Variants in TRIM67 observed in about 807,000 individuals in gnomAD.
The protein encoded by TRIM67 is tripartite motif containing 67.
TRIM67 carries 39 observed loss-of-function variants against 71.0 expected under a neutral mutation model. The ratio of observed to expected loss-of-function variants is 0.55; its 90% CI spans 0.43 to 0.72. The LOEUF (loss-of-function observed/expected upper bound fraction) is 0.72, where lower values mean the gene tolerates loss of function less well. Among genes scored for constraint, TRIM67 ranks in the 30% least tolerant of loss-of-function variants. The probability of loss-of-function intolerance (pLI) is 0.00; values close to 1 mark genes in which losing one functional copy is unlikely to be tolerated. For synonymous variants in TRIM67, 481 were observed against 473.9 expected, an observed-to-expected ratio of 1.01 and a Z score of -0.19; for missense variants, 973 against 1,079.2, an observed-to-expected ratio of 0.90 and a Z score of 1.38.
intron 8 of TRIM67, among the ~76,000 whole-genome samples, chr1:231,211,031 A>AATAT (rs1553328726): frequency 1.5e-4 from 19 of 127,232 alleles, no homozygotes; most frequent in African/African-American, 3.1e-4. Context: ...AAAAAAAAAA[A>AATAT]ATATATATAT....
chr1:231,167,206 C>T (rs1019179660), intron 1 of TRIM67, among the ~76,000 whole-genome samples: 16 of 151,846 alleles, frequency 1.1e-4, no homozygotes, highest in African/African-American at 3.9e-4. Flanking sequence ...AAAAGAAAAT[C>T]TCACTGATAC....
In TRIM67 at chr1:231,216,893, T is replaced by A. The variant is rs2102769104; in HGVS notation, c.*1453T>A. ...TTCCCAGTCACCTGCCACCTCCAGCTCCACCTGGTAGTAACATTTCTCTCT... is the reference window on the plus strand; with the variant it reads ...TTCCCAGTCACCTGCCACCTCCAGCACCACCTGGTAGTAACATTTCTCTCT... On this transcript the variant is annotated 3_prime_UTR_variant, in exon 10 of 10. Transcript: ENST00000366653. 1 of 985,566 alleles carries A rather than the reference T, an allele frequency of 1.0e-6. No individual in the cohort carries two copies. Among genetic ancestry groups the A allele is most frequent in the South Asian group, 4.7e-5 (1 of 21,290 alleles). The allele number at this position is 985,566 out of a possible 1,614,324, so 61.1% of individuals were successfully genotyped here.
At position 231,163,074 on chromosome 1, in the gene TRIM67, G is replaced by T; in HGVS notation, c.105G>T (p.Ala35=). The stretch of plus-strand genomic sequence containing the variant: ...GCCTGCCTTGCGCTCGCACCATCGC[G>T]GTGCAGACCCCGGACGGTGAGCAGC... ...NVCLPCARTI[A]VQTPDGEQHL... is the part of the protein sequence containing the mutation. Residue 35 remains alanine (A), a synonymous_variant, in exon 1 of 10, where the codon GCG becomes GCT. Coordinates refer to ENST00000366653, the MANE Select transcript of TRIM67 (RefSeq NM_001004342.5). The T allele has an allele frequency of 6.3e-7, 1 of 1,598,992 alleles. No individual in the cohort carries two copies. Among genetic ancestry groups the T allele is most frequent in the East Asian group, 2.3e-5 (1 of 43,862 alleles).
At chr1:231,175,002 T>C (rs760625248) in intron 1 of TRIM67, among the ~76,000 whole-genome samples, 1 of 152,184 alleles carries the variant, frequency 6.6e-6, no homozygotes, top group Non-Finnish European at 1.5e-5. Flanking sequence ...TGCTTGGAAA[T>C]GTTTGGATCA....
At position 231,218,003 on chromosome 1, in the gene TRIM67, C is replaced by A; in HGVS notation, c.*2563C>A. 8.3e-7 allele frequency: 1 copy of A among 1,203,140 alleles called. No homozygotes were observed. The highest frequency in any genetic ancestry group is 1.1e-6 in the Non-Finnish European group (1 of 947,832). The allele number at this position is 1,203,140 out of a possible 1,614,324, so 74.5% of individuals were successfully genotyped here. On this transcript the variant is annotated 3_prime_UTR_variant, in exon 10 of 10. Coordinates refer to ENST00000366653, the MANE Select transcript of TRIM67 (RefSeq NM_001004342.5). ...CTCCAGGAGCCCAGAAGCAATACGG[C>A]CGATGCCAGGGACAGCATCCAGCTC... is the stretch of plus-strand genomic sequence containing the variant.
At chr1:231,201,621 G>A in intron 5 of TRIM67, 104 bp downstream of exon 5, 2 of 1,379,170 alleles carry the variant, frequency 1.5e-6, no homozygotes, top group South Asian at 1.4e-5. Flanking sequence ...TGCACGGAGT[G>A]TGGCAGGGTG....
chr1:231,187,393 A>G, intron 1 of TRIM67: 1 of 915,374 alleles, frequency 1.1e-6, no homozygotes. Flanking sequence ...TCTACCTTTT[A>G]ATTTTTTTAA....
chr1:231,207,225 TGAG>T (rs1683728793), intron 7 of TRIM67, among the ~76,000 whole-genome samples: 1 of 152,178 alleles, frequency 6.6e-6, no homozygotes, highest in Non-Finnish European at 1.5e-5. Flanking sequence ...TCTCAAGGGC[TGAG>T]GAGTGAGTAG....
rs1684069104 is a variant in TRIM67 at position 231,218,475 on chromosome 1, C to T, written c.*3035C>T. The stretch of plus-strand genomic sequence containing the variant: ...GAGCAAGCTTGGTCAAAGTGTATGC[C>T]TTTTCCTTTTAAAATTAATCTCTTC... On this transcript the variant is annotated 3_prime_UTR_variant, in exon 10 of 10. Coordinates refer to ENST00000366653, the MANE Select transcript of TRIM67 (RefSeq NM_001004342.5). 1 of 985,316 alleles carries T rather than the reference C, an allele frequency of 1.0e-6. No homozygotes were observed. The highest frequency in any genetic ancestry group is 1.2e-6 in the Non-Finnish European group (1 of 829,948). The allele number at this position is 985,316 out of a possible 1,614,324, so 61.0% of individuals were successfully genotyped here.
In TRIM67 at chr1:231,163,449, G is replaced by C; in HGVS notation, c.480G>C (p.Pro160=). Residue 160 remains proline (P), a synonymous_variant, in exon 1 of 10, where the codon CCG becomes CCC. Transcript: ENST00000366653. ...LSSSSSSITC[P]QCHRSASLDH... ...CGTCTTCGAGCTCCATCACGTGCCC[G>C]CAGTGCCACCGCAGCGCATCCCTGG... is the stretch of plus-strand genomic sequence containing the variant. 1 of 1,539,840 alleles carries C rather than the reference G, an allele frequency of 6.5e-7. No homozygotes were observed. Among genetic ancestry groups the C allele is most frequent in the Non-Finnish European group, 8.7e-7 (1 of 1,148,650 alleles).
chr1:231,191,265 G>T (rs1448968220), intron 1 of TRIM67, among the ~76,000 whole-genome samples: 5 of 152,138 alleles, frequency 3.3e-5, no homozygotes, highest in African/African-American at 1.2e-4. Flanking sequence ...GGGTCTTGCT[G>T]TGTTGCTTAG....
At chr1:231,194,508 A>G (rs1196904253) in intron 1 of TRIM67, among the ~76,000 whole-genome samples, 1 of 152,222 alleles carries the variant, frequency 6.6e-6, no homozygotes, top group Non-Finnish European at 1.5e-5. Flanking sequence ...AGCCTGTCAC[A>G]GGTTGGAAGG....
At position 231,216,279 on chromosome 1, in the gene TRIM67, CCTT is replaced by C; in HGVS notation, c.*842_*844del. ...CCTCTTTCGCTCTCTTTCCCTCCCT[CCTT>C]CTCTCTCTCTCTCACACACACACAG... On this transcript the variant is annotated 3_prime_UTR_variant, in exon 10 of 10. Transcript: ENST00000366653. The C allele has an allele frequency of 1.0e-6, 1 of 984,124 alleles. No homozygotes were observed. 61.0% of individuals were successfully genotyped at this position (984,124 alleles called of 1,614,324 possible). A position where few individuals can be genotyped will look rare whatever the true frequency, so the allele number is the denominator to read the frequency against.
chr1:231,162,892 G>A lies in TRIM67; in HGVS notation c.-78G>A. 2 of 1,538,904 alleles carry A rather than the reference G, an allele frequency of 1.3e-6. No individual in the cohort carries two copies. Among genetic ancestry groups the A allele is most frequent in the African/African-American group, 2.7e-5 (2 of 73,078 alleles). On this transcript the variant is annotated 5_prime_UTR_variant, in exon 1 of 10. Coordinates refer to ENST00000366653, the MANE Select transcript of TRIM67 (RefSeq NM_001004342.5). ...CCGTCGTCTCACCGGGGCGCACCGC[G>A]CTGGTCCTCCTCCGCCAGTCTCCCG... is the stretch of plus-strand genomic sequence containing the variant.
In TRIM67 at chr1:231,218,410, G is replaced by A. The variant is rs1684068026; in HGVS notation, c.*2970G>A. On this transcript the variant is annotated 3_prime_UTR_variant, in exon 10 of 10. Coordinates refer to ENST00000366653, the MANE Select transcript of TRIM67 (RefSeq NM_001004342.5). The stretch of plus-strand genomic sequence containing the variant: ...GTCGAGTTCCATTGCATTGTAAATA[G>A]TGCCTCTGTAATGTGGTTCTGCAGT... The A allele has an allele frequency of 4.1e-6, 4 of 986,080 alleles. No individual in the cohort carries two copies. In the South Asian group the frequency reaches 1.4e-4, roughly 35 times the overall value. 61.1% of individuals were successfully genotyped at this position (986,080 alleles called of 1,614,324 possible).
chr1:231,171,625 T>C lies in TRIM67; in HGVS notation c.1044+7612T>C, dbSNP rs575824697. ...TTTAGCAAATTCCTTCCTCCAAGTT[T>C]GGAATTTCCTTTTGTGAAGTTCTTG... is the stretch of plus-strand genomic sequence containing the variant. On this transcript the variant is annotated intron_variant, in intron 1 of 9. Coordinates refer to ENST00000366653, the MANE Select transcript of TRIM67 (RefSeq NM_001004342.5). Among the ~76,000 whole-genome samples the C allele has an allele frequency of 2.0e-5, 3 of 152,340 alleles. No individual in the cohort carries two copies. The South Asian group carries it at 6.2e-4, about 32-fold the overall frequency.
chr1:231,196,197 C>T (rs1211326401), intron 1 of TRIM67, among the ~76,000 whole-genome samples: 2 of 152,084 alleles, frequency 1.3e-5, no homozygotes, highest in Non-Finnish European at 2.9e-5. Context: ...GACACAGTGA[C>T]GTCTGAGCAG....
In TRIM67 at chr1:231,181,698, C is replaced by T. The variant is rs140289902; in HGVS notation, c.1045-15673C>T. Among the ~76,000 whole-genome samples, 630 of 152,056 alleles carry T rather than the reference C, an allele frequency of 4.1e-3. 7 individuals are homozygous for T. The highest frequency in any genetic ancestry group is 0.014 in the African/African-American group (596 of 41,494). On this transcript the variant is annotated intron_variant, in intron 1 of 9. Transcript: ENST00000366653. ...CTTCTTTTTAGACTTGATTTTTTTTCGTGGCTTTTTTTGCTTGACTCCCTG... is the reference window on the plus strand; with the variant it reads ...CTTCTTTTTAGACTTGATTTTTTTTTGTGGCTTTTTTTGCTTGACTCCCTG...
rs1191484031 is a variant in TRIM67, at chr1:231,209,463, C to G, written c.2123+213C>G. On this transcript the variant is annotated intron_variant, in intron 8 of 9. Coordinates refer to ENST00000366653, the MANE Select transcript of TRIM67 (RefSeq NM_001004342.5). This position sits in a 1 kb window ranked among gnomAD's most constrained non-coding sequence, Gnocchi z 4.1. ...TGAGGGTATGTTATGGTGACTCTCA[C>G]AGCACCCGCACAGATGGGTCTCCCA... Among the ~76,000 whole-genome samples the G allele has an allele frequency of 6.6e-6, 1 of 152,254 alleles. No individual in the cohort carries two copies. The highest frequency in any genetic ancestry group is 2.4e-5 in the African/African-American group (1 of 41,472).
Sources: allele counts gnomAD v4.1 joint callset (sites outside exome capture counted in the v4.1 genomes callset), GRCh38; gene constraint gnomAD v4.1.1; non-coding constraint Gnocchi (gnomAD v3.1); transcripts MANE v1.5; gene names NCBI Gene and HGNC (gene_info 2026-07-23, HGNC 2026-07-21).